Variants in NSMCE2 observed in about 807,000 individuals in gnomAD.
NSMCE2 encodes the protein NSE2 SUMO ligase component of SMC5/6 complex.
Under a neutral mutation model 23.8 loss-of-function variants are expected in NSMCE2, and 24 were observed. The ratio of observed to expected loss-of-function variants is 1.01; its 90% CI spans 0.73 to 1.42. The LOEUF is 1.42. Ranked by LOEUF, NSMCE2 falls within the 40% of genes most tolerant of loss-of-function variation. The probability of loss-of-function intolerance (pLI) is 0.00; values close to 1 mark genes in which losing one functional copy is unlikely to be tolerated. For missense variants in NSMCE2, 284 were observed against 296.5 expected (o/e 0.96, Z 0.31); for synonymous variants, 92 against 94.1 (o/e 0.98, Z 0.13).
At chr8:125,347,579 G>A (rs554792329) in intron 5 of NSMCE2, among the ~76,000 whole-genome samples, 1 of 152,332 alleles carries the variant, frequency 6.6e-6, no homozygotes, top group East Asian at 1.9e-4. Context: ...TGCAAGTCTA[G>A]TTGAGTTAGC....
chr8:125,261,753 A>C (rs751299892), intron 5 of NSMCE2, among the ~76,000 whole-genome samples: 43 of 152,084 alleles, frequency 2.8e-4, no homozygotes, highest in East Asian at 2.7e-3. Context: ...AGTAAAAAAA[A>C]AAAAACAAAA....
chr8:125,307,298 T>C (rs1828804063), intron 5 of NSMCE2, among the ~76,000 whole-genome samples: 1 of 152,254 alleles, frequency 6.6e-6, no homozygotes, highest in South Asian at 2.1e-4. Flanking sequence ...TCTGGGAAGA[T>C]AGCTGAAAGC....
chr8:125,106,047 T>TAC (rs138450338), intron 3 of NSMCE2, among the ~76,000 whole-genome samples: 23,515 of 148,146 alleles, frequency 0.16, 3,009 homozygotes, highest in African/African-American at 0.36. Context: ...TGTGTGTGCA[T>TAC]ACACACACAC....
At chr8:125,106,718 G>A (rs1193006265) in intron 3 of NSMCE2, among the ~76,000 whole-genome samples, 3 of 150,096 alleles carry the variant, frequency 2.0e-5, no homozygotes, top group Admixed American at 6.7e-5. Context: ...CATTTTGGCC[G>A]GGTGCTGTGG....
chr8:125,202,554 A>G (rs961295122), intron 5 of NSMCE2, among the ~76,000 whole-genome samples: 1 of 152,238 alleles, frequency 6.6e-6, no homozygotes, highest in Non-Finnish European at 1.5e-5. Context: ...TATGCAAAGT[A>G]TAGTAATATA....
At chr8:125,187,209 C>A (rs1823146924) in intron 5 of NSMCE2, among the ~76,000 whole-genome samples, 1 of 152,206 alleles carries the variant, frequency 6.6e-6, no homozygotes, top group South Asian at 2.1e-4. Context: ...TACCGCCTAT[C>A]TTAGATACTT....
At chr8:125,318,699 A>G (rs1297130259) in intron 5 of NSMCE2, among the ~76,000 whole-genome samples, 2 of 152,224 alleles carry the variant, frequency 1.3e-5, no homozygotes, top group African/African-American at 4.8e-5. Flanking sequence ...AATCTGTGAA[A>G]CAACCACGGC....
At chr8:125,158,378 T>C (rs949779053) in intron 4 of NSMCE2, among the ~76,000 whole-genome samples, 3 of 151,638 alleles carry the variant, frequency 2.0e-5, no homozygotes, top group Admixed American at 2.0e-4. Flanking sequence ...AGTGATGATA[T>C]GAGAAAAAGG....
chr8:125,274,792 T>C (rs888657065), intron 5 of NSMCE2, among the ~76,000 whole-genome samples: 1 of 151,742 alleles, frequency 6.6e-6, no homozygotes, highest in Non-Finnish European at 1.5e-5. Context: ...TAGCCAGGCA[T>C]GGTGGCGCAC....
chr8:125,247,685 A>G (rs889408631), intron 5 of NSMCE2, among the ~76,000 whole-genome samples: 19 of 151,306 alleles, frequency 1.3e-4, no homozygotes, highest in African/African-American at 3.9e-4. Context: ...AGATTGCATC[A>G]TTGTACTCCC....
intron 4 of NSMCE2, among the ~76,000 whole-genome samples, chr8:125,161,304 A>T (rs558746617): frequency 3.3e-4 from 50 of 152,036 alleles, no homozygotes; most frequent in Non-Finnish European, 6.2e-4. Flanking sequence ...TCCTTTTTTA[A>T]AAAAAAAGTC....
At chr8:125,179,552 T>C (rs915473355) in intron 4 of NSMCE2, among the ~76,000 whole-genome samples, 6 of 152,248 alleles carry the variant, frequency 3.9e-5, no homozygotes, top group African/African-American at 1.4e-4. Context: ...AATTTCATTT[T>C]GATAGCTAGA....
At chr8:125,103,582 T>C (rs111322259) in intron 3 of NSMCE2, among the ~76,000 whole-genome samples, 519 of 152,322 alleles carry the variant, frequency 3.4e-3, no homozygotes, top group Non-Finnish European at 5.7e-3. Flanking sequence ...TCCTCTGCTC[T>C]CCTCTCCTTC....
At chr8:125,105,731 T>C (rs1174498851) in intron 3 of NSMCE2, among the ~76,000 whole-genome samples, 1 of 152,168 alleles carries the variant, frequency 6.6e-6, no homozygotes, top group Non-Finnish European at 1.5e-5. Flanking sequence ...TGTGGTCTTA[T>C]AAAACTTTAT....
intron 5 of NSMCE2, among the ~76,000 whole-genome samples, chr8:125,330,428 G>A (rs1307513322): frequency 2.0e-5 from 3 of 151,792 alleles, no homozygotes; most frequent in South Asian, 2.1e-4. Flanking sequence ...CACCCACCTC[G>A]GCCTCCCAAA....
chr8:125,199,424 C>T (rs968624388), intron 5 of NSMCE2, among the ~76,000 whole-genome samples: 4 of 152,194 alleles, frequency 2.6e-5, no homozygotes, highest in Non-Finnish European at 4.4e-5. Flanking sequence ...TTTCTGCCTT[C>T]ATTTCGTTAT....
chr8:125,305,970 G>T (rs868366583), intron 5 of NSMCE2, among the ~76,000 whole-genome samples: 3 of 152,210 alleles, frequency 2.0e-5, no homozygotes, highest in Middle Eastern at 3.4e-3. Flanking sequence ...CATAAGATTG[G>T]CCCCAAAGCC....
At chr8:125,302,182 C>T (rs900894765) in intron 5 of NSMCE2, among the ~76,000 whole-genome samples, 1 of 151,982 alleles carries the variant, frequency 6.6e-6, no homozygotes, top group Non-Finnish European at 1.5e-5. Context: ...GTCTTGAACT[C>T]CTGGCCTCAA....
intron 5 of NSMCE2, among the ~76,000 whole-genome samples, chr8:125,272,756 T>C (rs918853060): frequency 1.4e-5 from 2 of 141,344 alleles, no homozygotes; most frequent in Non-Finnish European, 3.1e-5. Flanking sequence ...TATACACACG[T>C]ATATATATAT....
Sources: gnomAD v4.1 joint callset for allele counts (sites outside exome capture counted in the v4.1 genomes callset) on GRCh38, gnomAD v4.1.1 for gene constraint, MANE v1.5 for transcripts, NCBI Gene and HGNC (gene_info 2026-07-23, HGNC 2026-07-21) for gene names.